The following MAGI1 variants were observed in gnomAD, a reference collection of about 807,000 sequenced individuals.
The protein encoded by MAGI1 is membrane associated guanylate kinase, WW and PDZ domain containing 1, also known as membrane-associated guanylate kinase, WW and PDZ domain-containing protein 1.
A neutral mutation model predicts 139.9 loss-of-function variants in MAGI1; 58 were observed. The ratio of observed to expected loss-of-function variants is 0.41; its 90% CI spans 0.34 to 0.52. The LOEUF (loss-of-function observed/expected upper bound fraction) is 0.52, where lower values mean the gene tolerates loss of function less well. MAGI1 is among the 20% of genes least tolerant of loss of function. The pLI is 0.12. For synonymous variants in MAGI1, 812 were observed against 737.9 expected, an observed-to-expected ratio of 1.10 and a Z score of -1.63; for missense variants, 1,874 against 1,901.6, an observed-to-expected ratio of 0.99 and a Z score of 0.27.
intron 1 of MAGI1, among the ~76,000 whole-genome samples, chr3:65,792,303 A>G (rs893146669): frequency 6.6e-6 from 1 of 151,996 alleles, no homozygotes; most frequent in Admixed American, 6.6e-5. Context: ...CGTCTCTACT[A>G]AAAATACAAA....
chr3:65,840,813 T>C (rs2058777915), intron 1 of MAGI1, among the ~76,000 whole-genome samples: 2 of 152,228 alleles, frequency 1.3e-5, no homozygotes, highest in Admixed American at 1.3e-4. Flanking sequence ...TAAAGTGAGT[T>C]AGAATTATTT....
chr3:65,375,844 C>G lies in MAGI1; in HGVS notation c.3097G>C (p.Val1033Leu), dbSNP rs1942470862. 7 of 1,613,942 alleles carry G rather than the reference C, an allele frequency of 4.3e-6. No individual in the cohort carries two copies. Among genetic ancestry groups the G allele is most frequent in the Non-Finnish European group, 5.9e-6 (7 of 1,179,952 alleles). Residue 1033 changes from valine (V) to leucine (L), a missense_variant, in exon 18 of 23, where the codon GTA becomes CTA. Around this residue, in one of 5 missense-constraint regions of MAGI1, gnomAD observed 653 missense variants for 644.5 expected, o/e 1.01. Coordinates refer to ENST00000402939, the MANE Select transcript of MAGI1 (RefSeq NM_001033057.2). The part of the protein sequence containing the change: ...KLKVGDRILA[V>L]NGCSITNKSH... ...TTGTTGGTGATGGAACATCCATTTACTGCCAAGATCCGGTCTCCTACTTTC... is the reference window on the plus strand; with the variant it reads ...TTGTTGGTGATGGAACATCCATTTAGTGCCAAGATCCGGTCTCCTACTTTC...
chr3:65,877,691 G>A (rs2060169334), intron 1 of MAGI1, among the ~76,000 whole-genome samples: 2 of 152,158 alleles, frequency 1.3e-5, no homozygotes, highest in South Asian at 4.1e-4. Context: ...AAGTGGCTGG[G>A]ATTACAGACA....
chr3:65,468,947 C>CAATG (rs1553648865), intron 5 of MAGI1, among the ~76,000 whole-genome samples: 1 of 134,714 alleles, frequency 7.4e-6, no homozygotes, highest in Non-Finnish European at 1.6e-5. Context: ...GGAAGGGAAA[C>CAATG]AATAAATAAA....
chr3:65,357,214 C>T (rs1298023849), intron 22 of MAGI1, 82 bp from the exon 23 acceptor site: 16 of 1,391,786 alleles, frequency 1.1e-5, no homozygotes, highest in Non-Finnish European at 1.6e-5. Context: ...CACTCGAGAC[C>T]TCATTAGTCA....
intron 1 of MAGI1, among the ~76,000 whole-genome samples, chr3:65,714,776 G>A (rs1387519792): frequency 6.6e-6 from 1 of 151,996 alleles, no homozygotes; most frequent in Non-Finnish European, 1.5e-5. Context: ...ACTCTTAAGT[G>A]CCATTATCAT....
intron 12 of MAGI1, among the ~76,000 whole-genome samples, chr3:65,426,015 A>G (rs1246989874): frequency 1.3e-5 from 2 of 152,200 alleles, no homozygotes; most frequent in Non-Finnish European, 2.9e-5. Flanking sequence ...TATGTTCAAA[A>G]TAGAAGGGTA....
chr3:65,729,715 C>A (rs2033994174), intron 1 of MAGI1, among the ~76,000 whole-genome samples: 1 of 152,210 alleles, frequency 6.6e-6, no homozygotes, highest in Admixed American at 6.5e-5. Context: ...ACTTCCTGAC[C>A]TTTTCAGCTG....
At chr3:65,456,379 A>AT (rs201447876) in intron 5 of MAGI1, among the ~76,000 whole-genome samples, 51 of 142,524 alleles carry the variant, frequency 3.6e-4, no homozygotes, top group Middle Eastern at 3.8e-3. Flanking sequence ...ATGGTTTGAT[A>AT]TTTTTTTTTT....
At chr3:65,720,011 T>C (rs1275288153) in intron 1 of MAGI1, 1 of 152,220 alleles carries the variant, frequency 6.6e-6, no homozygotes, top group African/African-American at 2.4e-5. Context: ...TGCTAAGTTA[T>C]TGTTGACAGT....
Position 65,586,006 on chromosome 3 carries a change from G to C in MAGI1, c.430+35966C>G, listed in dbSNP as rs113723748. 8.5e-3 allele frequency among the ~76,000 whole-genome samples: 1,287 copies of C among 152,194 alleles called. 5 individuals carry two copies. The highest frequency in any genetic ancestry group is 0.01 in the Non-Finnish European group (698 of 68,018). ...GAGGATCAGCGGAGCCCAGGAGTTCGAGACCAGCCCTGGCACTATAGTGAG... is the reference window on the plus strand; with the variant it reads ...GAGGATCAGCGGAGCCCAGGAGTTCCAGACCAGCCCTGGCACTATAGTGAG... On this transcript the variant is annotated intron_variant, in intron 2 of 22. Transcript: ENST00000402939.
intron 1 of MAGI1, among the ~76,000 whole-genome samples, chr3:65,906,870 AG>A (rs2061455965): frequency 6.6e-6 from 1 of 150,976 alleles, no homozygotes; most frequent in African/African-American, 2.4e-5. Flanking sequence ...TGGGCAACAG[AG>A]CAAGACTCTG....
intron 2 of MAGI1, among the ~76,000 whole-genome samples, chr3:65,527,458 G>T (rs1241581790): frequency 6.6e-6 from 1 of 152,148 alleles, no homozygotes; most frequent in Admixed American, 6.5e-5. Context: ...GGGCGTGGTG[G>T]CTCACACCTG....
chr3:66,003,620 GTTAATTTTTGTATTTTTAGTA>G (rs1363673875), intron 1 of MAGI1, among the ~76,000 whole-genome samples: 1 of 152,024 alleles, frequency 6.6e-6, no homozygotes, highest in Non-Finnish European at 1.5e-5. Flanking sequence ...ACAACACCCA[GTTAATTTTTGTATTTTTAGTA>G]TTCTGTATTT....
chr3:65,852,421 A>C (rs2059235889), intron 1 of MAGI1, among the ~76,000 whole-genome samples: 1 of 152,156 alleles, frequency 6.6e-6, no homozygotes, highest in Admixed American at 6.5e-5. Flanking sequence ...AACTCTACCC[A>C]GTAGGTAAAC....
chr3:65,720,973 C>T (rs2032945227), intron 1 of MAGI1, among the ~76,000 whole-genome samples: 1 of 151,964 alleles, frequency 6.6e-6, no homozygotes, highest in African/African-American at 2.4e-5. Flanking sequence ...AACTCCTAGG[C>T]TCAAGCAATC....
At chr3:65,470,643 G>T (rs552651454) in intron 4 of MAGI1, among the ~76,000 whole-genome samples, 159 bp from the exon 5 acceptor site, 3 of 151,978 alleles carry the variant, frequency 2.0e-5, no homozygotes, top group African/African-American at 7.3e-5. Flanking sequence ...CTATTACTTC[G>T]ATTTCATTTA....
chr3:65,609,066 T>C (rs978007798), intron 2 of MAGI1, among the ~76,000 whole-genome samples: 1 of 152,182 alleles, frequency 6.6e-6, no homozygotes, highest in African/African-American at 2.4e-5. Context: ...AGCATCAGAA[T>C]CGTGGTTACT....
intron 4 of MAGI1, among the ~76,000 whole-genome samples, chr3:65,472,110 G>T (rs528023546): frequency 6.6e-6 from 1 of 152,164 alleles, no homozygotes; most frequent in East Asian, 1.9e-4. Context: ...GCACCCAAGA[G>T]TGCAGATTAA....
Sources: gnomAD v4.1 joint callset for allele counts (sites outside exome capture counted in the v4.1 genomes callset) on GRCh38, gnomAD v4.1.1 for gene constraint, gnomAD v4.1.1 regional missense constraint, MANE v1.5 for transcripts, NCBI Gene and HGNC (gene_info 2026-07-23, HGNC 2026-07-21) for gene names.